The following CCDC102B variants were observed in gnomAD, a reference collection of about 807,000 sequenced individuals.
CCDC102B encodes the protein coiled-coil domain containing 102B.
CCDC102B carries 75 observed loss-of-function variants against 57.4 expected under a neutral mutation model. That is an observed-to-expected ratio of 1.31 (90% CI 1.08 to 1.58). The LOEUF is 1.58. Ranked by LOEUF, CCDC102B falls within the 40% of genes most tolerant of loss-of-function variation. CCDC102B has a pLI of 0.00. For synonymous variants in CCDC102B, 206 were observed against 201.9 expected (o/e 1.02, Z -0.17); for missense variants, 636 against 582.6 (o/e 1.09, Z -0.94).
intron 7 of CCDC102B, among the ~76,000 whole-genome samples, chr18:69,042,563 ATTATC>A (rs2052459530): frequency 6.6e-6 from 1 of 152,044 alleles, no homozygotes; most frequent in Non-Finnish European, 1.5e-5. Context: ...AAGAAATTAT[ATTATC>A]TTAATACTCA....
intron 4 of CCDC102B, among the ~76,000 whole-genome samples, chr18:68,850,197 C>T (rs373356125): frequency 6.6e-6 from 1 of 152,126 alleles, no homozygotes; most frequent in Non-Finnish European, 1.5e-5. Flanking sequence ...GCCATACTTA[C>T]TAATATCATA....
At chr18:68,790,690 G>A (rs939030488) in intron 2 of CCDC102B, among the ~76,000 whole-genome samples, 32 of 152,080 alleles carry the variant, frequency 2.1e-4, no homozygotes, top group Non-Finnish European at 2.9e-4. Context: ...GCTTCGGCTC[G>A]TGCACGGTGC....
chr18:68,746,442 G>A lies in CCDC102B; in HGVS notation c.-67+29848G>A, dbSNP rs534486237. Among the ~76,000 whole-genome samples the A allele has an allele frequency of 5.3e-5, 8 of 152,234 alleles. 1 individual carries two copies. Among genetic ancestry groups the A allele is most frequent in the African/African-American group, 1.9e-4 (8 of 41,562 alleles). On this transcript the variant is annotated intron_variant, in intron 2 of 3. Coordinates refer to the CCDC102B transcript ENST00000578970. ...TAAATCTTAAACAGGTTGCTACCCA[G>A]TGTGATATGCTTTCTTCATAATCCA... is the stretch of plus-strand genomic sequence containing the variant.
intron 1 of CCDC102B, among the ~76,000 whole-genome samples, chr18:68,810,850 C>CG (rs1438388050): frequency 1.3e-5 from 2 of 151,996 alleles, no homozygotes; most frequent in African/African-American, 4.8e-5. Flanking sequence ...TGCTCCCCAC[C>CG]ACCCAACAGG....
chr18:68,952,175 C>A (rs775394987), intron 6 of CCDC102B, among the ~76,000 whole-genome samples: 8 of 151,862 alleles, frequency 5.3e-5, no homozygotes, highest in Non-Finnish European at 1.0e-4. Flanking sequence ...GGGAAGCAGA[C>A]AAATTGGTTT....
intron 6 of CCDC102B, among the ~76,000 whole-genome samples, chr18:68,952,599 T>C (rs1295132350): frequency 6.6e-6 from 1 of 152,014 alleles, no homozygotes; most frequent in Non-Finnish European, 1.5e-5. Context: ...AAGTCAAAAT[T>C]TAAGGGCCTG....
intron 7 of CCDC102B, among the ~76,000 whole-genome samples, chr18:69,017,049 C>T (rs2051688397): frequency 6.6e-6 from 1 of 151,246 alleles, no homozygotes; most frequent in Non-Finnish European, 1.5e-5. Context: ...TTTAATCTCT[C>T]ATCTTTCTGT....
At chr18:68,751,860 A>G (rs1442715128) in intron 2 of CCDC102B, among the ~76,000 whole-genome samples, 1 of 152,222 alleles carries the variant, frequency 6.6e-6, no homozygotes, top group Non-Finnish European at 1.5e-5. Context: ...GACAGATTAA[A>G]GAAACTCAAA....
intron 1 of CCDC102B, among the ~76,000 whole-genome samples, chr18:68,800,392 C>T (rs552291833): frequency 3.3e-5 from 5 of 152,022 alleles, no homozygotes; most frequent in African/African-American, 7.2e-5. Flanking sequence ...TAAATCCAGA[C>T]GAATTACTGT....
At chr18:68,769,394 A>C (rs1490181073) in intron 2 of CCDC102B, among the ~76,000 whole-genome samples, 1 of 152,082 alleles carries the variant, frequency 6.6e-6, no homozygotes, top group Non-Finnish European at 1.5e-5. Flanking sequence ...TTACCTCCCA[A>C]AGGCCCCATC....
chr18:68,912,038 C>T (rs544970926), intron 6 of CCDC102B, among the ~76,000 whole-genome samples: 18 of 152,132 alleles, frequency 1.2e-4, no homozygotes, highest in Non-Finnish European at 2.4e-4. Flanking sequence ...AGAACAGTAG[C>T]ATCACACCAA....
At chr18:68,853,261 AAATATACTTTTTTAAG>A (rs1223605536) in intron 4 of CCDC102B, among the ~76,000 whole-genome samples, 3 of 152,204 alleles carry the variant, frequency 2.0e-5, no homozygotes, top group African/African-American at 7.2e-5. Flanking sequence ...AAATTACATA[AAATATACTTTTTTAAG>A]AATACCTACA....
At position 68,836,782 on chromosome 18, in the gene CCDC102B, C is replaced by G; in HGVS notation, c.19C>G (p.His7Asp). 1 of 1,612,794 alleles carries G rather than the reference C, an allele frequency of 6.2e-7. No individual in the cohort carries two copies. The highest frequency in any genetic ancestry group is 8.5e-7 in the Non-Finnish European group (1 of 1,179,484). Residue 7 changes from histidine (H) to aspartate (D), a missense_variant, in exon 2 of 8, where the codon CAT (histidine) becomes GAT (aspartate). Transcript: ENST00000360242. ...AATAAATATGAATTTAGATTCCATA[C>G]ATCGATTAATTGAGGAAACACAGAT... is the stretch of plus-strand genomic sequence containing the variant. MNLDSI[H>D]RLIEETQIFQ...
intron 2 of CCDC102B, among the ~76,000 whole-genome samples, chr18:68,733,230 A>T (rs374437074): frequency 1.3e-5 from 2 of 152,210 alleles, no homozygotes; most frequent in East Asian, 1.9e-4. Flanking sequence ...TTTGTCGTGG[A>T]GAATAAGACT....
chr18:68,911,620 CGG>C (rs2040860996), intron 6 of CCDC102B, among the ~76,000 whole-genome samples: 1 of 149,138 alleles, frequency 6.7e-6, no homozygotes, highest in African/African-American at 2.5e-5. Context: ...GGCGTGGTGG[CGG>C]GCGCCTGTAG....
At chr18:68,949,861 TAATA>T (rs1185636097) in intron 6 of CCDC102B, among the ~76,000 whole-genome samples, 2 of 152,166 alleles carry the variant, frequency 1.3e-5, no homozygotes, top group Non-Finnish European at 2.9e-5. Flanking sequence ...AAATTGTGGC[TAATA>T]AATTAAAAAA....
intron 6 of CCDC102B, among the ~76,000 whole-genome samples, chr18:68,956,380 A>AAT (rs1453301136): frequency 2.9e-5 from 2 of 69,096 alleles, no homozygotes; most frequent in African/African-American, 1.1e-4. Context: ...TAAAATGTAT[A>AAT]ATATATAATA....
At chr18:68,968,501 T>C (rs139404618) in intron 6 of CCDC102B, among the ~76,000 whole-genome samples, 1,830 of 152,336 alleles carry the variant, frequency 0.012, 19 homozygotes, top group Middle Eastern at 0.02. Context: ...ATAATCCAGA[T>C]AATGAAGATA....
At chr18:68,825,595 C>T (rs2036876585) in intron 1 of CCDC102B, among the ~76,000 whole-genome samples, 1 of 152,004 alleles carries the variant, frequency 6.6e-6, no homozygotes, top group Non-Finnish European at 1.5e-5. Context: ...GAGGCTGAGG[C>T]AGGAGAATCA....
Sources: allele counts gnomAD v4.1 joint callset (sites outside exome capture counted in the v4.1 genomes callset), GRCh38; gene constraint gnomAD v4.1.1; transcripts MANE v1.5; gene names NCBI Gene and HGNC (gene_info 2026-07-23, HGNC 2026-07-21).